CDH18: variants seen among roughly 807,000 people sequenced by gnomAD.
The protein encoded by CDH18 is cadherin-18.
A neutral mutation model predicts 67.9 loss-of-function variants in CDH18; 31 were observed. The ratio of observed to expected loss-of-function variants is 0.46; its 90% CI spans 0.34 to 0.62. CDH18 has a LOEUF of 0.62. Among genes scored for constraint, CDH18 ranks in the 20% least tolerant of loss-of-function variants. The pLI is 0.01. For missense variants in CDH18, 890 were observed against 975.5 expected, an observed-to-expected ratio of 0.91 and a Z score of 1.17; for synonymous variants, 362 against 347.2, an observed-to-expected ratio of 1.04 and a Z score of -0.48.
At chr5:20,068,138 A>G (rs1743145780) in intron 2 of CDH18, among the ~76,000 whole-genome samples, 1 of 152,144 alleles carries the variant, frequency 6.6e-6, no homozygotes, top group African/African-American at 2.4e-5. Flanking sequence ...AATAAGCTAA[A>G]TGAGAAAAGC....
chr5:20,047,596 C>T (rs747678016), intron 2 of CDH18, among the ~76,000 whole-genome samples: 11 of 151,704 alleles, frequency 7.3e-5, no homozygotes, highest in East Asian at 1.9e-4. Context: ...AATGAGCAAA[C>T]GTTTGCTTTC....
chr5:20,471,326 G>C (rs1752053446), intron 1 of CDH18, among the ~76,000 whole-genome samples: 1 of 151,894 alleles, frequency 6.6e-6, no homozygotes, highest in African/African-American at 2.4e-5. Context: ...TAACCTCATC[G>C]GAGTTATTGC....
chr5:20,518,443 C>T (rs557925758), intron 1 of CDH18, among the ~76,000 whole-genome samples: 2 of 152,182 alleles, frequency 1.3e-5, no homozygotes, highest in African/African-American at 2.4e-5. Context: ...ATGTGGGCTC[C>T]CTTTTTGGTT....
chr5:20,166,786 G>T (rs947439737), intron 2 of CDH18, among the ~76,000 whole-genome samples: 2 of 152,082 alleles, frequency 1.3e-5, no homozygotes, highest in African/African-American at 4.8e-5. Flanking sequence ...TCTTCTTTAT[G>T]CAAGCCTTCT....
chr5:20,013,938 C>G (rs2150419838), intron 2 of CDH18, among the ~76,000 whole-genome samples: 1 of 152,078 alleles, frequency 6.6e-6, no homozygotes, highest in East Asian at 1.9e-4. Context: ...TAGTGATATC[C>G]AAAATATTTT....
At chr5:19,987,056 A>G (rs568036877) in intron 1 of CDH18, among the ~76,000 whole-genome samples, 1 of 152,310 alleles carries the variant, frequency 6.6e-6, no homozygotes, top group South Asian at 2.1e-4. Context: ...GAAAACCATA[A>G]TACTTTTAGC....
At chr5:19,957,607 T>G (rs1362328839) in intron 2 of CDH18, among the ~76,000 whole-genome samples, 2 of 151,956 alleles carry the variant, frequency 1.3e-5, no homozygotes, top group Non-Finnish European at 1.5e-5. Context: ...AATAAAATTT[T>G]GGGTACACTT....
chr5:19,563,395 A>G (rs187085755), intron 8 of CDH18, among the ~76,000 whole-genome samples: 305 of 152,316 alleles, frequency 2.0e-3, no homozygotes, highest in Non-Finnish European at 3.5e-3. Context: ...GGAATGATAT[A>G]TAAGGTCCAT....
intron 2 of CDH18, among the ~76,000 whole-genome samples, chr5:19,902,274 T>A (rs1453936421): frequency 2.0e-5 from 3 of 152,118 alleles, no homozygotes; most frequent in South Asian, 4.1e-4. Flanking sequence ...GTGAGTTACA[T>A]TTAGTGACTC....
intron 1 of CDH18, among the ~76,000 whole-genome samples, chr5:20,443,137 G>A (rs1035390423): frequency 6.9e-6 from 1 of 144,118 alleles, no homozygotes; most frequent in Non-Finnish European, 1.5e-5. Flanking sequence ...GTGAACCCGG[G>A]AGGCGGAGCT....
At position 20,193,188 on chromosome 5, in the gene CDH18, C is replaced by T. The variant is rs769625964; in HGVS notation, c.-518+62256G>A. On this transcript the variant is annotated intron_variant, in intron 2 of 14. Coordinates refer to the CDH18 transcript ENST00000507958. ...GTGTGAAATAATTAACAAAATAGACCGCTAGTTAGAATAATAAAGAAGAGA... is the reference window on the plus strand; with the variant it reads ...GTGTGAAATAATTAACAAAATAGACTGCTAGTTAGAATAATAAAGAAGAGA... 3.1e-4 allele frequency among the ~76,000 whole-genome samples: 47 copies of T among 151,056 alleles called. 1 individual carries two copies. The highest frequency in any genetic ancestry group is 5.8e-4 in the Non-Finnish European group (39 of 67,666).
At chr5:19,487,910 T>G (rs141531895) in intron 11 of CDH18, among the ~76,000 whole-genome samples, 1,803 of 152,296 alleles carry the variant, frequency 0.012, 20 homozygotes, top group South Asian at 0.045. Context: ...ATTCCAAAGA[T>G]GTTTACAATT....
intron 2 of CDH18, among the ~76,000 whole-genome samples, chr5:20,160,775 CAT>C: frequency 6.6e-6 from 1 of 152,274 alleles, no homozygotes; most frequent in African/African-American, 2.4e-5. Context: ...GTTATTTACT[CAT>C]GTGTAACAAA....
chr5:19,582,927 A>C (rs1743507605), intron 7 of CDH18, among the ~76,000 whole-genome samples: 1 of 151,998 alleles, frequency 6.6e-6, no homozygotes, highest in Non-Finnish European at 1.5e-5. Flanking sequence ...TATGTAGAAT[A>C]AATCTAGTAT....
chr5:19,957,031 G>C (rs1030830736), intron 2 of CDH18, among the ~76,000 whole-genome samples: 36 of 151,778 alleles, frequency 2.4e-4, no homozygotes, highest in Non-Finnish European at 4.9e-4. Flanking sequence ...TTTCTGCCCT[G>C]GTAGGTGTTT....
intron 2 of CDH18, among the ~76,000 whole-genome samples, chr5:20,253,254 C>T (rs1210626999): frequency 6.6e-6 from 1 of 152,086 alleles, no homozygotes; most frequent in East Asian, 1.9e-4. Flanking sequence ...AGAAACATAG[C>T]CAACTAACTA....
chr5:20,478,424 A>G (rs934509222), intron 1 of CDH18, among the ~76,000 whole-genome samples: 1 of 152,194 alleles, frequency 6.6e-6, no homozygotes, highest in Non-Finnish European at 1.5e-5. Context: ...AAGCTGAATA[A>G]AGAGCCCTTG....
intron 2 of CDH18, among the ~76,000 whole-genome samples, chr5:19,968,796 G>A (rs1355238274): frequency 2.1e-5 from 3 of 145,028 alleles, no homozygotes; most frequent in Non-Finnish European, 4.4e-5. Context: ...AGGACTTCAT[G>A]TCTAAAACAC....
chr5:20,006,687 CCATT>C (rs1736927524), intron 2 of CDH18, among the ~76,000 whole-genome samples: 1 of 151,818 alleles, frequency 6.6e-6, no homozygotes. Flanking sequence ...TTAATCATTA[CCATT>C]ATTATAAAGA....
Sources: gnomAD v4.1 joint callset for allele counts (sites outside exome capture counted in the v4.1 genomes callset) on GRCh38, gnomAD v4.1.1 for gene constraint, MANE v1.5 for transcripts, NCBI Gene and HGNC (gene_info 2026-07-23, HGNC 2026-07-21) for gene names.